FOXR1: variants seen among roughly 807,000 people sequenced by gnomAD.
The protein encoded by FOXR1 is forkhead box R1.
FOXR1 carries 25 observed loss-of-function variants against 34.5 expected under a neutral mutation model. That is an observed-to-expected ratio of 0.72 (90% CI 0.53 to 1.01). FOXR1 has a LOEUF of 1.01. FOXR1 is among the 50% of genes least tolerant of loss of function. The pLI, the probability that FOXR1 is intolerant of heterozygous loss-of-function variation, is 0.00. For missense variants in FOXR1, 373 were observed against 376.2 expected, an observed-to-expected ratio of 0.99 and a Z score of 0.07; for synonymous variants, 153 against 141.6, an observed-to-expected ratio of 1.08 and a Z score of -0.57.
At chr11:118,977,121 C>T (rs553182758) in intron 1 of FOXR1, among the ~76,000 whole-genome samples, 3 of 152,104 alleles carry the variant, frequency 2.0e-5, no homozygotes, top group Non-Finnish European at 4.4e-5. Context: ...ACTTCTGCCT[C>T]CCAGGTTCAA....
At chr11:118,975,728 A>C (rs1251190406) in intron 1 of FOXR1, among the ~76,000 whole-genome samples, 1 of 152,208 alleles carries the variant, frequency 6.6e-6, no homozygotes, top group Admixed American at 6.5e-5. Context: ...AACATCCTTG[A>C]AAAAGCATGG....
In FOXR1 at chr11:118,971,941, G is replaced by T. The variant is rs1326896395; in HGVS notation, c.10G>T (p.Glu4Ter). The T allele has an allele frequency of 1.9e-6, 3 of 1,555,884 alleles. No individual in the cohort carries two copies. Among genetic ancestry groups the T allele is most frequent in the Non-Finnish European group, 2.6e-6 (3 of 1,149,118 alleles). ...ACTGCTGGACTGGGACATGGGGAAC[G>T]AGCTCTTTCTGGCCTTCACCACATC... MGN[E>*]LFLAFTTSHL... Residue 4 changes from glutamate to a stop codon, truncating the protein, a stop_gained, in exon 1 of 6, where the codon GAG (glutamate) becomes TAG (stop). Coordinates refer to ENST00000317011, the MANE Select transcript of FOXR1 (RefSeq NM_181721.3). LOFTEE classifies it high-confidence loss of function.
Position 118,980,727 on chromosome 11 carries a change from AG to A in FOXR1, c.850+1del. On this transcript the variant is annotated frameshift_variant and splice_region_variant, in exon 5 of 6. Coordinates refer to ENST00000317011, the MANE Select transcript of FOXR1 (RefSeq NM_181721.3). LOFTEE classifies it high-confidence loss of function. Reference sequence around the variant, plus strand: ...GTATCCAACAGTGCATGAGCCAGCCAGGTGTGAAGACTTGTTGTGCGTGGGC... The same window carrying A: ...GTATCCAACAGTGCATGAGCCAGCCAGTGTGAAGACTTGTTGTGCGTGGGC... ...ESIQQCMSQP[D>X]VMPFLFDL 1 of 1,610,568 alleles carries A rather than the reference AG, an allele frequency of 6.2e-7. No homozygotes were observed. The highest frequency in any genetic ancestry group is 1.1e-5 in the South Asian group (1 of 91,006).
rs782505634 is a variant in FOXR1, at chr11:118,979,593, T to G, written c.536T>G (p.Phe179Cys). 1 of 1,612,450 alleles carries G rather than the reference T, an allele frequency of 6.2e-7. No individual in the cohort carries two copies. The highest frequency in any genetic ancestry group is 8.5e-7 in the Non-Finnish European group (1 of 1,179,378). The change falls in exon 4 of 6, where the codon TTC (phenylalanine) becomes TGC (cysteine). Residue 179 changes from phenylalanine (F) to cysteine (C), a missense_variant. Transcript: ENST00000317011. ...TGGTCCCGGCCCCCTCTCAATTACT[T>G]CCACCTAATTGCCCTGGCATTAAGA... ...RLWSRPPLNY[F>C]HLIALALRNS...
In FOXR1 at chr11:118,975,179, C is replaced by T. The variant is rs148799175; in HGVS notation, c.61+3187C>T. ...AGACTATTGAGAATCAAAACTAGGG[C>T]GTCTGTGGTATCCTGGAAACCAAGT... On this transcript the variant is annotated intron_variant, in intron 1 of 5. Transcript: ENST00000317011. 5.8e-3 allele frequency among the ~76,000 whole-genome samples: 881 copies of T among 152,108 alleles called. 6 individuals are homozygous for T. Among genetic ancestry groups the T allele is most frequent in the African/African-American group, 0.017 (711 of 41,478 alleles).
At chr11:118,973,405 C>T (rs976329943) in intron 1 of FOXR1, among the ~76,000 whole-genome samples, 1 of 151,888 alleles carries the variant, frequency 6.6e-6, no homozygotes, top group Non-Finnish European at 1.5e-5. Flanking sequence ...GTGGCAGCTA[C>T]AGTTTGTTTT....
At chr11:118,979,349 A>T in intron 3 of FOXR1, 93 bp from the exon 4 acceptor site, 1 of 1,488,438 alleles carries the variant, frequency 6.7e-7, no homozygotes, top group Non-Finnish European at 9.0e-7. Flanking sequence ...GAGAAGCCCA[A>T]ATGGTGGCCT....
At chr11:118,976,167 C>CG (rs1366499002) in intron 1 of FOXR1, among the ~76,000 whole-genome samples, 3 of 152,090 alleles carry the variant, frequency 2.0e-5, no homozygotes, top group African/African-American at 7.2e-5. Flanking sequence ...AAGTCAAACT[C>CG]GCTGGAGAAG....
intron 3 of FOXR1, 116 bp downstream of exon 3, chr11:118,979,320 C>T: frequency 6.7e-7 from 1 of 1,492,152 alleles, no homozygotes; most frequent in Non-Finnish European, 8.9e-7. Flanking sequence ...TCAGAAATTA[C>T]CTACATGCTT....
At chr11:118,978,685 AC>A in intron 1 of FOXR1, 96 bp from the exon 2 acceptor site, 1 of 1,333,866 alleles carries the variant, frequency 7.5e-7, no homozygotes, top group Non-Finnish European at 1.1e-6. Context: ...GGCAGGGCCC[AC>A]AACCTTCTCC....
In FOXR1 at chr11:118,971,917, C is replaced by G; in HGVS notation, c.-15C>G. 1 of 1,555,540 alleles carries G rather than the reference C, an allele frequency of 6.4e-7. No homozygotes were observed. The highest frequency in any genetic ancestry group is 2.4e-5 in the East Asian group (1 of 41,568). ...CCGCCTCCATGGCCAGGTCCCGGGA[C>G]TGCTGGACTGGGACATGGGGAACGA... On this transcript the variant is annotated 5_prime_UTR_variant, in exon 1 of 6. Transcript: ENST00000317011.
Position 118,971,993 on chromosome 11 carries a change from G to GT in FOXR1, c.61+2dup. On this transcript the variant is annotated splice_donor_variant, in intron 1 of 5. Coordinates refer to ENST00000317011, the MANE Select transcript of FOXR1 (RefSeq NM_181721.3). LOFTEE classifies it high-confidence loss of function. ...CACCTCCCCTTAGCGGAGCAGAAAC[G>GT]TGAGTAGCGGGTGGGGTGAGGTGGG... The GT allele has an allele frequency of 6.5e-7, 1 of 1,546,862 alleles. No individual in the cohort carries two copies. Among genetic ancestry groups the GT allele is most frequent in the Non-Finnish European group, 8.7e-7 (1 of 1,144,294 alleles).
chr11:118,977,301 G>T lies in FOXR1; in HGVS notation c.62-1481G>T, dbSNP rs138831300. On this transcript the variant is annotated intron_variant, in intron 1 of 5. Coordinates refer to ENST00000317011, the MANE Select transcript of FOXR1 (RefSeq NM_181721.3). ...CCTGCCTCGGCCTCCCAAAGTGCTG[G>T]GATTACAGGTGTGGGCCACCGCACC... is the stretch of plus-strand genomic sequence containing the variant. Among the ~76,000 whole-genome samples, 1,139 of 152,186 alleles carry T rather than the reference G, an allele frequency of 7.5e-3. 16 individuals carry two copies. Among genetic ancestry groups the T allele is most frequent in the South Asian group, 0.027 (131 of 4,822 alleles).
At chr11:118,976,814 C>G (rs1301730005) in intron 1 of FOXR1, among the ~76,000 whole-genome samples, 1 of 152,060 alleles carries the variant, frequency 6.6e-6, no homozygotes, top group Non-Finnish European at 1.5e-5. Context: ...CAGTGTTTTT[C>G]GTATTATTAA....
chr11:118,978,989 G>A lies in FOXR1; in HGVS notation c.169G>A (p.Val57Ile). 6.2e-7 allele frequency: 1 copy of A among 1,603,280 alleles called. No homozygotes were observed. Among genetic ancestry groups the A allele is most frequent in the Non-Finnish European group, 8.5e-7 (1 of 1,173,754 alleles). Residue 57 changes from valine (V) to isoleucine (I), a missense_variant, in exon 3 of 6, where the codon GTA (valine) becomes ATA (isoleucine). Val to Ile is a conservative substitution (Grantham distance 29, BLOSUM62 3). Coordinates refer to ENST00000317011, the MANE Select transcript of FOXR1 (RefSeq NM_181721.3). Reference protein sequence around the residue: ...PDYEPNLWMWVNPNIVYPPGK... With the variant: ...PDYEPNLWMWINPNIVYPPGK... ...TTATGAGCCCAACCTCTGGATGTGG[G>A]TAAATCCCAACATTGTGTATCCCCC...
intron 1 of FOXR1, 78 bp downstream of exon 1, chr11:118,972,070 A>AG (rs376000968): frequency 1 from 1,365,353 of 1,365,408 alleles, 682,649 homozygotes; most frequent in Middle Eastern, 1. Context: ...CCCGGGGCAG[A>AG]CGGCTCCCCA....
Position 118,981,217 on chromosome 11 carries a change from C to T in FOXR1, c.860C>T (p.Pro287Leu), listed in dbSNP as rs762951715. Residue 287 changes from proline to leucine, a missense_variant, in exon 6 of 6, where the codon CCC (proline) becomes CTC (leucine). Transcript: ENST00000317011. The part of the protein sequence containing the change: ...QQCMSQPDVM[P>L]FLFDL Reference sequence around the variant, plus strand: ...TCTCCTTTTCTTACAGATGTGATGCCCTTCCTCTTTGATCTTTAACCCCAA... The same window carrying T: ...TCTCCTTTTCTTACAGATGTGATGCTCTTCCTCTTTGATCTTTAACCCCAA... 1.2e-6 allele frequency: 2 copies of T among 1,614,058 alleles called. No homozygotes were observed. Among genetic ancestry groups the T allele is most frequent in the Non-Finnish European group, 1.7e-6 (2 of 1,180,008 alleles).
intron 1 of FOXR1, among the ~76,000 whole-genome samples, chr11:118,978,087 G>A (rs866121106): frequency 2.6e-5 from 4 of 152,054 alleles, no homozygotes; most frequent in African/African-American, 9.7e-5. Flanking sequence ...GTGTGGTGGC[G>A]TGCGCTTGTA....
chr11:118,975,420 C>CT (rs1243396688), intron 1 of FOXR1, among the ~76,000 whole-genome samples: 323 of 141,896 alleles, frequency 2.3e-3, no homozygotes, highest in Admixed American at 3.5e-3. Flanking sequence ...TTTCTTTCTT[C>CT]TTTTTTTTTT....
Sources: gnomAD v4.1 joint callset for allele counts (sites outside exome capture counted in the v4.1 genomes callset) on GRCh38, gnomAD v4.1.1 for gene constraint, MANE v1.5 for transcripts, NCBI Gene and HGNC (gene_info 2026-07-23, HGNC 2026-07-21) for gene names.